ATP2B1: variants seen among roughly 807,000 people sequenced by gnomAD.
ATP2B1 encodes the protein ATPase plasma membrane Ca2+ transporting 1.
In ATP2B1, 14 loss-of-function variants were observed where a neutral mutation model predicts 124.2. The observed-to-expected ratio is 0.11, with a 90% CI of 0.07 to 0.18. ATP2B1 has a LOEUF of 0.18. Among genes scored for constraint, ATP2B1 ranks in the 10% least tolerant of loss-of-function variants. The pLI, the probability that ATP2B1 is intolerant of heterozygous loss-of-function variation, is 1.00. For missense variants in ATP2B1, 763 were observed against 1,466.1 expected, an observed-to-expected ratio of 0.52 and a Z score of 7.83; for synonymous variants, 449 against 492.4, an observed-to-expected ratio of 0.91 and a Z score of 1.17.
chr12:89,600,503 C>T (rs1875578078), intron 19 of ATP2B1, among the ~76,000 whole-genome samples: 1 of 152,042 alleles, frequency 6.6e-6, no homozygotes, highest in South Asian at 2.1e-4. Flanking sequence ...TTCATATATA[C>T]ACTGTTAAAG....
chr12:89,621,443 T>G, intron 10 of ATP2B1, 106 bp downstream of exon 10: 1 of 912,326 alleles, frequency 1.1e-6, no homozygotes, highest in East Asian at 3.1e-5. Flanking sequence ...TTTTAAAAAC[T>G]TAACAGTTCA....
At chr12:89,643,873 T>C (rs1431825789) in intron 2 of ATP2B1, among the ~76,000 whole-genome samples, 1 of 152,124 alleles carries the variant, frequency 6.6e-6, no homozygotes, top group East Asian at 1.9e-4. Context: ...GCAGATCACC[T>C]GAGGTTGGGA....
At chr12:89,614,801 C>G (rs766610717) in intron 12 of ATP2B1, among the ~76,000 whole-genome samples, 12 of 152,142 alleles carry the variant, frequency 7.9e-5, no homozygotes, top group Non-Finnish European at 1.5e-4. Flanking sequence ...TTACTTCCTA[C>G]TGGTTCTATC....
intron 15 of ATP2B1, among the ~76,000 whole-genome samples, chr12:89,606,199 C>T (rs910053930): frequency 9.2e-5 from 14 of 152,096 alleles, no homozygotes; most frequent in African/African-American, 1.2e-4. Flanking sequence ...AAGGTATATG[C>T]GGTGAATGTG....
intron 2 of ATP2B1, among the ~76,000 whole-genome samples, chr12:89,646,342 A>C (rs1884452075): frequency 6.6e-6 from 1 of 152,156 alleles, no homozygotes; most frequent in African/African-American, 2.4e-5. Flanking sequence ...CCACAAGCCC[A>C]ATGAGAGCTC....
intron 1 of ATP2B1, among the ~76,000 whole-genome samples, chr12:89,666,173 T>C (rs184653737): frequency 6.6e-4 from 101 of 152,302 alleles, no homozygotes; most frequent in South Asian, 5.4e-3. Context: ...ATAAGGTAAA[T>C]TCTATTTTAA....
Position 89,610,041 on chromosome 12 carries a change from T to C in ATP2B1, c.2338A>G (p.Ile780Val). The C allele has an allele frequency of 6.2e-7, 1 of 1,609,744 alleles. No homozygotes were observed. Among genetic ancestry groups the C allele is most frequent in the Non-Finnish European group, 8.5e-7 (1 of 1,176,976 alleles). ...PTDKHTLVKG[I>V]IDSTVSDQRQ... ...TGGTCTGAGACAGTGCTGTCAATTA[T>C]ACCTTAAATACAAGCAAATATTTGT... is the stretch of plus-strand genomic sequence containing the variant. The change falls in exon 15 of 21, where the codon ATA (isoleucine) becomes GTA (valine). Residue 780 changes from isoleucine (I) to valine (V), a missense_variant and splice_region_variant. Transcript: ENST00000428670.
intron 7 of ATP2B1, 73 bp from the exon 8 acceptor site, chr12:89,626,688 T>G (rs1305463310): frequency 2.7e-6 from 4 of 1,480,370 alleles, no homozygotes; most frequent in Admixed American, 2.5e-5. Flanking sequence ...TAAAGAAATT[T>G]TAAAAATCAG....
intron 1 of ATP2B1, among the ~76,000 whole-genome samples, chr12:89,669,552 G>C (rs976229613): frequency 2.0e-5 from 3 of 152,120 alleles, no homozygotes; most frequent in African/African-American, 7.2e-5. Flanking sequence ...CTCGTTTGTA[G>C]AATATGGATA....
At chr12:89,709,171 G>A (rs1251635955), upstream of ATP2B1, 4 of 151,228 alleles carry the variant, frequency 2.6e-5, no homozygotes, top group African/African-American at 9.7e-5. Context: ...GTCTGCACCG[G>A]GTGGCCTGCA....
At chr12:89,634,343 T>C (rs144671547) in intron 5 of ATP2B1, among the ~76,000 whole-genome samples, 3 of 152,306 alleles carry the variant, frequency 2.0e-5, no homozygotes, top group Non-Finnish European at 4.4e-5. Flanking sequence ...TTACCAGTTC[T>C]TAAGAAAAAA....
intron 2 of ATP2B1, among the ~76,000 whole-genome samples, chr12:89,645,793 T>C (rs566532303): frequency 6.6e-6 from 1 of 152,220 alleles, no homozygotes; most frequent in South Asian, 2.1e-4. Context: ...GAGAGGAGAA[T>C]GGCATTCTCA....
intron 2 of ATP2B1, among the ~76,000 whole-genome samples, chr12:89,646,974 T>A (rs975511718): frequency 1.3e-5 from 2 of 152,168 alleles, no homozygotes; most frequent in Non-Finnish European, 2.9e-5. Context: ...GCCATGCAAT[T>A]CAGGGCTGCA....
chr12:89,661,256 A>G (rs1326868954), intron 1 of ATP2B1, among the ~76,000 whole-genome samples: 1 of 152,226 alleles, frequency 6.6e-6, no homozygotes, highest in Non-Finnish European at 1.5e-5. Context: ...CAGAGTAATT[A>G]CTGATTTTTT....
At chr12:89,627,825 G>A (rs1003170732) in intron 6 of ATP2B1, 109 bp from the exon 7 acceptor site, 1 of 1,183,428 alleles carries the variant, frequency 8.5e-7, no homozygotes, top group African/African-American at 1.5e-5. Context: ...ACAATGGTGT[G>A]TGTGTCTACA....
intron 3 of ATP2B1, among the ~76,000 whole-genome samples, chr12:89,639,160 T>A (rs984651863): frequency 1.3e-5 from 2 of 152,182 alleles, no homozygotes; most frequent in Non-Finnish European, 2.9e-5. Context: ...CACCTCAGTG[T>A]TGAGATGTAA....
chr12:89,602,143 T>C (rs1186706772), intron 18 of ATP2B1, among the ~76,000 whole-genome samples: 1 of 152,204 alleles, frequency 6.6e-6, no homozygotes, highest in East Asian at 1.9e-4. Context: ...TATTAAGAAT[T>C]AACTGGGGTT....
At chr12:89,629,206 G>C (rs1881440876) in intron 6 of ATP2B1, among the ~76,000 whole-genome samples, 1 of 152,134 alleles carries the variant, frequency 6.6e-6, no homozygotes, top group Admixed American at 6.6e-5. Context: ...CAGCATAAAA[G>C]GGTAGACTCT....
intron 19 of ATP2B1, among the ~76,000 whole-genome samples, chr12:89,599,753 GAAA>G (rs1875428192): frequency 6.6e-6 from 1 of 152,030 alleles, no homozygotes. Context: ...AGGTTACACT[GAAA>G]ATAGTTTTGT....
Sources: gnomAD v4.1 joint callset for allele counts (sites outside exome capture counted in the v4.1 genomes callset) on GRCh38, gnomAD v4.1.1 for gene constraint, MANE v1.5 for transcripts, NCBI Gene and HGNC (gene_info 2026-07-23, HGNC 2026-07-21) for gene names.